Variants in CFHR4 observed in about 807,000 individuals in gnomAD.
The protein encoded by CFHR4 is complement factor H related 4, also known as complement factor H-related protein 4.
CFHR4 carries 64 observed loss-of-function variants against 69.3 expected under a neutral mutation model. The observed-to-expected ratio is 0.92, with a 90% CI of 0.76 to 1.14. The LOEUF (loss-of-function observed/expected upper bound fraction) is 1.14. Ranked by LOEUF, CFHR4 falls within the 50% of genes most tolerant of loss-of-function variation. The pLI, the probability that CFHR4 is intolerant of heterozygous loss-of-function variation, is 0.00. For missense variants in CFHR4, 636 were observed against 684.9 expected (o/e 0.93, Z 0.80); for synonymous variants, 244 against 237.0 (o/e 1.03, Z -0.27).
intron 5 of CFHR4, among the ~76,000 whole-genome samples, chr1:196,909,158 G>C (rs1189833224): frequency 6.6e-6 from 1 of 151,464 alleles, no homozygotes; most frequent in Non-Finnish European, 1.5e-5. Context: ...TGACTGAGGA[G>C]ATGGACACTC....
chr1:196,894,113 C>G (rs1657164979), intron 1 of CFHR4, among the ~76,000 whole-genome samples: 1 of 151,554 alleles, frequency 6.6e-6, no homozygotes, highest in African/African-American at 2.4e-5. Flanking sequence ...AAAAACTGCT[C>G]TATCCCCCCT....
intron 1 of CFHR4, among the ~76,000 whole-genome samples, chr1:196,897,372 T>C (rs1227689285): frequency 2.0e-5 from 3 of 151,554 alleles, no homozygotes; most frequent in Non-Finnish European, 4.4e-5. Flanking sequence ...TCAGATTTGC[T>C]GTCTGCAGAC....
At chr1:196,910,554 C>T in intron 6 of CFHR4, 76 bp downstream of exon 6, 1 of 1,238,396 alleles carries the variant, frequency 8.1e-7, no homozygotes, top group East Asian at 2.3e-5. Context: ...CAAATGATTA[C>T]ATTGTCTTAT....
chr1:196,905,803 T>G (rs1189802149), intron 3 of CFHR4, among the ~76,000 whole-genome samples: 1 of 151,422 alleles, frequency 6.6e-6, no homozygotes, highest in Non-Finnish European at 1.5e-5. Context: ...TTCCAGCTTA[T>G]TGTCTAGTAC....
At chr1:196,898,051 A>C (rs535172041) in intron 1 of CFHR4, among the ~76,000 whole-genome samples, 1 of 151,386 alleles carries the variant, frequency 6.6e-6, no homozygotes, top group South Asian at 2.1e-4. Context: ...TTGCATTTTT[A>C]CTGTGTTTCT....
At chr1:196,907,278 CTG>C in intron 4 of CFHR4, 36 bp from the exon 5 acceptor site, 3 of 1,538,098 alleles carry the variant, frequency 2.0e-6, no homozygotes, top group East Asian at 2.3e-5. Flanking sequence ...TCCAATAAAA[CTG>C]TTGATTTTTC....
intron 1 of CFHR4, among the ~76,000 whole-genome samples, chr1:196,894,506 C>T (rs2124937419): frequency 6.6e-6 from 1 of 151,638 alleles, no homozygotes; most frequent in East Asian, 1.9e-4. Context: ...GTCTCAAACT[C>T]CCTCAGCTTT....
chr1:196,918,384 T>C lies in CFHR4; in HGVS notation c.1715T>C (p.Val572Ala). Residue 572 changes from valine to alanine, a missense_variant, in exon 10 of 10, where the codon GTG (valine) becomes GCG (alanine). Coordinates refer to ENST00000608469, the MANE Select transcript of CFHR4 (RefSeq NM_001201550.3). The part of the protein sequence containing the change: ...SFQAVCREGI[V>A]EYPRCE The stretch of plus-strand genomic sequence containing the variant: ...CAAGCAGTGTGTAGGGAAGGCATAG[T>C]GGAATACCCCAGATGCGAATAAGGC... The C allele has an allele frequency of 6.2e-7, 1 of 1,611,840 alleles. No homozygotes were observed. Among genetic ancestry groups the C allele is most frequent in the Non-Finnish European group, 8.5e-7 (1 of 1,178,988 alleles).
chr1:196,907,214 A>G, intron 4 of CFHR4, 102 bp from the exon 5 acceptor site: 1 of 1,245,258 alleles, frequency 8.0e-7, no homozygotes, highest in African/African-American at 1.5e-5. Context: ...TGTCTTCCTA[A>G]GAAATCAAAT....
At chr1:196,914,112 T>A (rs1357805143) in intron 7 of CFHR4, among the ~76,000 whole-genome samples, 1 of 151,424 alleles carries the variant, frequency 6.6e-6, no homozygotes, top group Admixed American at 6.6e-5. Context: ...AGTAAATCGT[T>A]ACATAACTAC....
At chr1:196,909,949 C>T (rs1421581902) in intron 5 of CFHR4, among the ~76,000 whole-genome samples, 1 of 150,990 alleles carries the variant, frequency 6.6e-6, no homozygotes, top group Non-Finnish European at 1.5e-5. Flanking sequence ...GTCAGGAGTT[C>T]GAGACCAGCC....
chr1:196,894,634 A>G (rs1657195480), intron 1 of CFHR4, among the ~76,000 whole-genome samples: 1 of 151,494 alleles, frequency 6.6e-6, no homozygotes. Flanking sequence ...TATTGGCCCA[A>G]TGCCTCTGGC....
At chr1:196,909,845 T>A (rs1281612127) in intron 5 of CFHR4, among the ~76,000 whole-genome samples, 2 of 150,482 alleles carry the variant, frequency 1.3e-5, no homozygotes, top group Non-Finnish European at 3.0e-5. Context: ...ATTATAAAAT[T>A]TAAAAAAAAA....
At chr1:196,913,120 C>T (rs1357951292) in intron 7 of CFHR4, among the ~76,000 whole-genome samples, 198 bp downstream of exon 7, 2 of 151,544 alleles carry the variant, frequency 1.3e-5, no homozygotes, top group African/African-American at 2.4e-5. Flanking sequence ...ATGATCATTT[C>T]ATCTCTTACA....
chr1:196,889,316 C>T (rs1018283624), intron 1 of CFHR4, among the ~76,000 whole-genome samples: 22 of 151,434 alleles, frequency 1.5e-4, no homozygotes, highest in Non-Finnish European at 3.1e-4. Flanking sequence ...AAAGGAATTT[C>T]TCTTGTTATT....
rs74136017 is a variant in CFHR4 at position 196,914,829 on chromosome 1, G to A, written c.1358-127G>A. ...GAGACTTAAAAAAAAAAAAAACAAC[G>A]TTGAAAATGCAGATGTCTTCCTAAG... On this transcript the variant is annotated intron_variant, in intron 8 of 9. Transcript: ENST00000608469. The A allele has an allele frequency of 8.5e-3, 12,294 of 1,450,972 alleles. 1,001 individuals are homozygous for A. The African/African-American group carries it at 0.15, about 18-fold the overall frequency. The allele number at this position is 1,450,972 out of a possible 1,614,324, so 89.9% of individuals were successfully genotyped here.
intron 1 of CFHR4, among the ~76,000 whole-genome samples, chr1:196,899,148 C>T (rs1657460091): frequency 7.8e-6 from 1 of 127,882 alleles, no homozygotes; most frequent in African/African-American, 2.6e-5. Context: ...TCTCTCACGT[C>T]AATAGGGTGT....
chr1:196,899,452 C>A lies in CFHR4; in HGVS notation c.59-2966C>A, dbSNP rs147029286. The stretch of plus-strand genomic sequence containing the variant: ...GGGAATATAGGCATGTGCCACCATG[C>A]CCAGTTACTTTTTTATTTTTATTCT... On this transcript the variant is annotated intron_variant, in intron 1 of 9. Transcript: ENST00000608469. 1.8e-3 allele frequency among the ~76,000 whole-genome samples: 278 copies of A among 151,498 alleles called. 8 individuals are homozygous for A. The highest frequency in any genetic ancestry group is 6.1e-3 in the African/African-American group (250 of 41,080).
chr1:196,890,905 T>C (rs1656992381), intron 1 of CFHR4, among the ~76,000 whole-genome samples: 1 of 151,532 alleles, frequency 6.6e-6, no homozygotes, highest in Admixed American at 6.6e-5. Context: ...AAACGATTTT[T>C]AGAAATGAAC....
Sources: allele counts gnomAD v4.1 joint callset (sites outside exome capture counted in the v4.1 genomes callset), GRCh38; gene constraint gnomAD v4.1.1; transcripts MANE v1.5; gene names NCBI Gene and HGNC (gene_info 2026-07-23, HGNC 2026-07-21).